Variants in DAAM1 observed in about 807,000 individuals in gnomAD.
The protein encoded by DAAM1 is disheveled-associated activator of morphogenesis 1.
Under a neutral mutation model 130.0 loss-of-function variants are expected in DAAM1, and 52 were observed. The ratio of observed to expected loss-of-function variants is 0.40; its 90% CI spans 0.32 to 0.50. The LOEUF is 0.50. Ranked by LOEUF, DAAM1 falls within the 20% of genes least tolerant of loss-of-function variation. The probability of loss-of-function intolerance (pLI) is 0.61; values close to 1 mark genes in which losing one functional copy is unlikely to be tolerated. For missense variants in DAAM1, 1,134 were observed against 1,303.8 expected (o/e 0.87, Z 2.01); for synonymous variants, 452 against 444.5 (o/e 1.02, Z -0.21).
intron 2 of DAAM1, among the ~76,000 whole-genome samples, chr14:59,290,968 C>T (rs923351023): frequency 1.4e-5 from 2 of 146,340 alleles, no homozygotes; most frequent in Non-Finnish European, 3.1e-5. Flanking sequence ...TTGGTCCACT[C>T]TCCCCTGACC....
Position 59,315,338 on chromosome 14 carries a change from A to G in DAAM1, c.332A>G (p.Asn111Ser), listed in dbSNP as rs367682829. 40 of 1,613,848 alleles carry G rather than the reference A, an allele frequency of 2.5e-5. No individual in the cohort carries two copies. Among genetic ancestry groups the G allele is most frequent in the African/African-American group, 1.9e-4 (14 of 74,900 alleles). The change falls in exon 4 of 25, where the codon AAT becomes AGT. Residue 111 changes from asparagine to serine, a missense_variant. Physicochemically the swap from Asn to Ser is conservative, Grantham distance 46. This residue lies in a region of DAAM1 where 391 missense variants were observed against 521.6 expected (regional missense o/e 0.75). Coordinates refer to ENST00000360909, the MANE Select transcript of DAAM1 (RefSeq NM_001270520.2). Reference protein sequence around the residue: ...SWPEFYIDQLNSMAARKSLLA... With the variant: ...SWPEFYIDQLSSMAARKSLLA... ...CCTGAATTCTACATTGATCAGCTCA[A>G]TTCCATGGCTGCTGTAAGTAGACTT...
chr14:59,273,347 C>A (rs562525173), intron 2 of DAAM1, among the ~76,000 whole-genome samples: 9 of 152,084 alleles, frequency 5.9e-5, no homozygotes, highest in Non-Finnish European at 1.2e-4. Flanking sequence ...TTTCTGGATG[C>A]TTCTTATATC....
At chr14:59,260,830 AGGGTG>A (rs1450959543) in intron 1 of DAAM1, among the ~76,000 whole-genome samples, 1 of 152,198 alleles carries the variant, frequency 6.6e-6, no homozygotes, top group Non-Finnish European at 1.5e-5. Flanking sequence ...TGGTACTTTC[AGGGTG>A]GGAGGATGTT....
intron 2 of DAAM1, among the ~76,000 whole-genome samples, chr14:59,278,445 T>C (rs1369289340): frequency 6.6e-6 from 1 of 152,194 alleles, no homozygotes; most frequent in African/African-American, 2.4e-5. Flanking sequence ...TGACACACAA[T>C]TTTAAACTTA....
At chr14:59,198,358 A>C (rs976545424) in intron 1 of DAAM1, among the ~76,000 whole-genome samples, 1 of 151,232 alleles carries the variant, frequency 6.6e-6, no homozygotes, top group Admixed American at 6.6e-5. Context: ...GGTACCCGCC[A>C]CCATGCCCAG....
chr14:59,212,104 T>C (rs75903543), intron 1 of DAAM1, among the ~76,000 whole-genome samples: 2,127 of 152,318 alleles, frequency 0.014, 47 homozygotes, highest in African/African-American at 0.048. Flanking sequence ...AAAACTTTGA[T>C]ACATAGTTTC....
At chr14:59,350,226 C>T (rs955158280) in intron 17 of DAAM1, among the ~76,000 whole-genome samples, 1 of 152,038 alleles carries the variant, frequency 6.6e-6, no homozygotes, top group South Asian at 2.1e-4. Context: ...GAGGGGATGT[C>T]TCTTCCCTTC....
At chr14:59,288,860 A>AGAGC (rs1018804753) in intron 2 of DAAM1, among the ~76,000 whole-genome samples, 32 of 143,990 alleles carry the variant, frequency 2.2e-4, no homozygotes, top group Admixed American at 9.1e-4. Context: ...AGAGAGAGAG[A>AGAGC]GCGCGCGAAG....
chr14:59,342,944 T>C (rs529604393), intron 16 of DAAM1, among the ~76,000 whole-genome samples: 1 of 152,140 alleles, frequency 6.6e-6, no homozygotes, highest in East Asian at 1.9e-4. Flanking sequence ...CGGCAGAAAA[T>C]TATCAATTGG....
At chr14:59,294,345 T>C (rs1305532289) in intron 3 of DAAM1, among the ~76,000 whole-genome samples, 1 of 152,206 alleles carries the variant, frequency 6.6e-6, no homozygotes, top group Admixed American at 6.5e-5. Context: ...TCTATCTATA[T>C]CTCTGGTTGA....
At chr14:59,289,784 A>ATATATATATATACACATATATAT in intron 2 of DAAM1, among the ~76,000 whole-genome samples, 1 of 128,700 alleles carries the variant, frequency 7.8e-6, no homozygotes, top group African/African-American at 2.9e-5. Flanking sequence ...ATATATATAT[A>ATATATATATATACACATATATAT]ATGGAATGCT....
chr14:59,261,607 C>T (rs965941870), intron 1 of DAAM1, among the ~76,000 whole-genome samples: 3 of 152,158 alleles, frequency 2.0e-5, no homozygotes, highest in East Asian at 1.9e-4. Context: ...CCTCTCTTCC[C>T]GTCACAGAAC....
At chr14:59,324,096 G>A (rs960570987) in intron 6 of DAAM1, 32 bp from the exon 7 acceptor site, 8 of 1,301,612 alleles carry the variant, frequency 6.1e-6, no homozygotes, top group Middle Eastern at 4.2e-4. Flanking sequence ...GGTTAGTAAC[G>A]TTTCAGTCCT....
chr14:59,254,179 T>G (rs1439086842), intron 1 of DAAM1, among the ~76,000 whole-genome samples: 2 of 152,156 alleles, frequency 1.3e-5, no homozygotes, highest in Non-Finnish European at 2.9e-5. Context: ...ACTTTAGGGG[T>G]CATTACACCT....
chr14:59,352,870 T>A lies in DAAM1; in HGVS notation c.2267+238T>A, dbSNP rs990692804. On this transcript the variant is annotated intron_variant, in intron 18 of 24. Coordinates refer to ENST00000360909, the MANE Select transcript of DAAM1 (RefSeq NM_001270520.2). ...AATTATCTCTATTTCTGGGCCCCTT[T>A]GGCCTTATCAAGTAATAACTTTTCT... Among the ~76,000 whole-genome samples, 6 of 152,150 alleles carry A rather than the reference T, an allele frequency of 3.9e-5. No homozygotes were observed. In the East Asian group the frequency reaches 9.6e-4, roughly 24 times the overall value.
intron 1 of DAAM1, among the ~76,000 whole-genome samples, chr14:59,203,985 T>C (rs1410261045): frequency 6.6e-6 from 1 of 152,264 alleles, no homozygotes; most frequent in Non-Finnish European, 1.5e-5. Context: ...AAACACTGTA[T>C]TAAAAGTTAA....
At position 59,233,633 on chromosome 14, in the gene DAAM1, CG is replaced by C. The variant is rs376506990; in HGVS notation, c.-37-29807del. Among the ~76,000 whole-genome samples, 159 of 152,164 alleles carry C rather than the reference CG, an allele frequency of 1.0e-3. 2 individuals carry two copies. The highest frequency in any genetic ancestry group is 3.7e-3 in the African/African-American group (155 of 41,538). On this transcript the variant is annotated intron_variant, in intron 1 of 24. Transcript: ENST00000360909. ...TTCTTTTGCTATGCAGAAGCTCTTTCGTTTAATTAGATCCCATTTATCAATT... is the reference window on the plus strand; with the variant it reads ...TTCTTTTGCTATGCAGAAGCTCTTTCTTTAATTAGATCCCATTTATCAATT...
In DAAM1 at chr14:59,242,393, A is replaced by G. The variant is rs182432522; in HGVS notation, c.-37-21048A>G. Reference sequence around the variant, plus strand: ...CAACAACAACAACAGACATGGGCACATGTCACAACCAGAGATGGGCACATA... The same window carrying G: ...CAACAACAACAACAGACATGGGCACGTGTCACAACCAGAGATGGGCACATA... On this transcript the variant is annotated intron_variant, in intron 1 of 24. Coordinates refer to ENST00000360909, the MANE Select transcript of DAAM1 (RefSeq NM_001270520.2). 7.7e-4 allele frequency among the ~76,000 whole-genome samples: 117 copies of G among 152,332 alleles called. No homozygotes were observed. In the East Asian group the frequency reaches 0.019, roughly 25 times the overall value.
chr14:59,219,314 T>A (rs1193920570), intron 1 of DAAM1, among the ~76,000 whole-genome samples: 1 of 152,182 alleles, frequency 6.6e-6, no homozygotes, highest in South Asian at 2.1e-4. Flanking sequence ...TTCTTTTTTT[T>A]AAATAGTCTT....
Sources: allele counts gnomAD v4.1 joint callset (sites outside exome capture counted in the v4.1 genomes callset), GRCh38; gene constraint gnomAD v4.1.1; regional missense constraint gnomAD v4.1.1; transcripts MANE v1.5; gene names NCBI Gene and HGNC (gene_info 2026-07-23, HGNC 2026-07-21).